RIMS1: variants seen among roughly 807,000 people sequenced by gnomAD.
RIMS1 encodes the protein regulating synaptic membrane exocytosis 1, also known as regulating synaptic membrane exocytosis protein 1.
A neutral mutation model predicts 214.1 loss-of-function variants in RIMS1; 83 were observed. That is an observed-to-expected ratio of 0.39 (90% CI 0.32 to 0.47). The LOEUF (loss-of-function observed/expected upper bound fraction) is 0.47. Among genes scored for constraint, RIMS1 ranks in the 20% least tolerant of loss-of-function variants. RIMS1 has a pLI of 0.99. For missense variants in RIMS1, 2,050 were observed against 2,161.8 expected, an observed-to-expected ratio of 0.95 and a Z score of 1.03; for synonymous variants, 793 against 786.8, an observed-to-expected ratio of 1.01 and a Z score of -0.13.
intron 26 of RIMS1, among the ~76,000 whole-genome samples, chr6:72,298,496 C>T (rs988394918): frequency 6.6e-6 from 1 of 152,012 alleles, no homozygotes; most frequent in Non-Finnish European, 1.5e-5. Context: ...GTAGACTCTT[C>T]AACATTCAGA....
In RIMS1 at chr6:72,245,879, T is replaced by C; in HGVS notation, c.2128+18T>C. On this transcript the variant is annotated intron_variant, in intron 11 of 33. Coordinates refer to ENST00000521978, the MANE Select transcript of RIMS1 (RefSeq NM_014989.7). ...GGAGTCCAGTGAGTATAAGGTTTCTTTGTTATTATAAAAGTATTGAACTAA... is the reference window on the plus strand; with the variant it reads ...GGAGTCCAGTGAGTATAAGGTTTCTCTGTTATTATAAAAGTATTGAACTAA... 1 of 1,549,642 alleles carries C rather than the reference T, an allele frequency of 6.5e-7. No homozygotes were observed. Among genetic ancestry groups the C allele is most frequent in the Non-Finnish European group, 8.9e-7 (1 of 1,121,834 alleles).
At chr6:71,894,005 C>A (rs1342848297) in intron 1 of RIMS1, among the ~76,000 whole-genome samples, 1 of 152,174 alleles carries the variant, frequency 6.6e-6, no homozygotes, top group African/African-American at 2.4e-5. Flanking sequence ...ATCTTGCTTT[C>A]TCTTCCCCAA....
At chr6:72,306,818 G>A (rs1255181484) in intron 26 of RIMS1, among the ~76,000 whole-genome samples, 2 of 152,148 alleles carry the variant, frequency 1.3e-5, no homozygotes, top group Non-Finnish European at 2.9e-5. Context: ...ACTACTGTTA[G>A]CTGAGGGTGT....
At chr6:72,170,177 G>T (rs2046826045) in intron 4 of RIMS1, among the ~76,000 whole-genome samples, 1 of 150,166 alleles carries the variant, frequency 6.7e-6, no homozygotes, top group Non-Finnish European at 1.5e-5. Context: ...TACCTGCATA[G>T]CTTACTCTTA....
At position 72,237,924 on chromosome 6, in the gene RIMS1, T is replaced by TA. The variant is rs755711003; in HGVS notation, c.1957+5dup. On this transcript the variant is annotated splice_region_variant and intron_variant, in intron 9 of 33. Transcript: ENST00000521978. Reference sequence around the variant, plus strand: ...ATGTAGTTGGACACCTAAGAGCAGGTAAAGTTTCTTTTTTTAATATTTAAA... The same window carrying TA: ...ATGTAGTTGGACACCTAAGAGCAGGTAAAAGTTTCTTTTTTTAATATTTAAA... The TA allele has an allele frequency of 2.1e-5, 34 of 1,595,874 alleles. No individual in the cohort carries two copies. The highest frequency in any genetic ancestry group is 2.9e-5 in the Non-Finnish European group (34 of 1,171,156).
chr6:72,312,849 CA>C (rs1396032231), intron 27 of RIMS1, among the ~76,000 whole-genome samples: 1 of 152,106 alleles, frequency 6.6e-6, no homozygotes, highest in African/African-American at 2.4e-5. Flanking sequence ...TAGAAAGTAT[CA>C]AAAACTATAT....
intron 1 of RIMS1, among the ~76,000 whole-genome samples, chr6:71,920,790 T>A (rs1011279704): frequency 6.6e-6 from 1 of 152,210 alleles, no homozygotes; most frequent in Non-Finnish European, 1.5e-5. Context: ...GCTTTTGTAT[T>A]TGGTCTTTCC....
chr6:72,130,155 T>C (rs1038426630), intron 4 of RIMS1, among the ~76,000 whole-genome samples: 1 of 152,176 alleles, frequency 6.6e-6, no homozygotes, highest in Non-Finnish European at 1.5e-5. Flanking sequence ...GTTGAAATTA[T>C]TGTTTTCTCT....
intron 2 of RIMS1, among the ~76,000 whole-genome samples, chr6:72,004,664 T>A (rs1806721435): frequency 8.4e-6 from 1 of 119,090 alleles, no homozygotes; most frequent in South Asian, 3.0e-4. Flanking sequence ...TGCATAAATG[T>A]CTTCTTTTGA....
intron 2 of RIMS1, among the ~76,000 whole-genome samples, chr6:72,051,527 G>T (rs955137435): frequency 1.2e-4 from 18 of 152,096 alleles, no homozygotes; most frequent in Non-Finnish European, 2.1e-4. Context: ...TCCTCTTGAC[G>T]CTTGTTAGAT....
intron 2 of RIMS1, 96 bp from the exon 3 acceptor site, chr6:72,096,853 G>A: frequency 9.5e-7 from 1 of 1,057,276 alleles, no homozygotes; most frequent in Non-Finnish European, 1.4e-6. Context: ...AAAGAGCTAT[G>A]CTTCCTTTTT....
chr6:72,064,471 G>A (rs942405572), intron 2 of RIMS1, among the ~76,000 whole-genome samples: 2 of 152,150 alleles, frequency 1.3e-5, no homozygotes, highest in South Asian at 2.1e-4. Context: ...GACTTATCCT[G>A]TAACACTCTG....
At chr6:72,123,010 G>T (rs2038736634) in intron 4 of RIMS1, among the ~76,000 whole-genome samples, 1 of 151,582 alleles carries the variant, frequency 6.6e-6, no homozygotes, top group South Asian at 2.1e-4. Flanking sequence ...CTTGTCTTCT[G>T]CTAGCTTTTG....
At chr6:72,287,752 C>G (rs1022284859) in intron 24 of RIMS1, among the ~76,000 whole-genome samples, 4 of 152,024 alleles carry the variant, frequency 2.6e-5, no homozygotes, top group African/African-American at 9.7e-5. Flanking sequence ...GTGCTATACG[C>G]CCGGCTAATT....
intron 1 of RIMS1, among the ~76,000 whole-genome samples, chr6:71,892,828 G>T (rs1238986180): frequency 6.6e-6 from 1 of 152,160 alleles, no homozygotes; most frequent in Non-Finnish European, 1.5e-5. Flanking sequence ...TGTTGGCTGA[G>T]TTCCTATCAT....
At chr6:72,209,081 TC>T (rs1042626743) in intron 6 of RIMS1, among the ~76,000 whole-genome samples, 1 of 152,174 alleles carries the variant, frequency 6.6e-6, no homozygotes, top group Non-Finnish European at 1.5e-5. Context: ...AGAATAGAAT[TC>T]ATTGGATACT....
chr6:72,025,206 G>A (rs1357418897), intron 2 of RIMS1, among the ~76,000 whole-genome samples: 1 of 152,000 alleles, frequency 6.6e-6, no homozygotes, highest in South Asian at 2.1e-4. Context: ...CCTGGCCAAA[G>A]TCTGCGTTCC....
At chr6:72,277,828 A>G (rs1412688261) in intron 23 of RIMS1, among the ~76,000 whole-genome samples, 1 of 152,154 alleles carries the variant, frequency 6.6e-6, no homozygotes, top group Non-Finnish European at 1.5e-5. Context: ...ACGTAATTAT[A>G]TGAGTGTAAA....
At chr6:72,380,828 G>A (rs1379409839) in intron 29 of RIMS1, among the ~76,000 whole-genome samples, 1 of 152,016 alleles carries the variant, frequency 6.6e-6, no homozygotes, top group African/African-American at 2.4e-5. Flanking sequence ...CACCATGCCT[G>A]GCCTTCGGAC....
Sources: allele counts gnomAD v4.1 joint callset (sites outside exome capture counted in the v4.1 genomes callset), GRCh38; gene constraint gnomAD v4.1.1; transcripts MANE v1.5; gene names NCBI Gene and HGNC (gene_info 2026-07-23, HGNC 2026-07-21).